The following ANXA4 variants were observed in gnomAD, a reference collection of about 807,000 sequenced individuals.
The protein encoded by ANXA4 is annexin A4.
In ANXA4, 39 loss-of-function variants were observed where a neutral mutation model predicts 49.8. The ratio of observed to expected loss-of-function variants is 0.78; its 90% CI spans 0.61 to 1.02. The LOEUF is 1.02. Ranked by LOEUF, ANXA4 falls within the 50% of genes least tolerant of loss-of-function variation. The pLI is 0.00. For missense variants in ANXA4, 360 were observed against 410.1 expected (o/e 0.88, Z 1.05); for synonymous variants, 134 against 152.5 (o/e 0.88, Z 0.89).
intron 1 of ANXA4, among the ~76,000 whole-genome samples, chr2:69,753,322 T>A (rs1176321534): frequency 6.6e-6 from 1 of 152,178 alleles, no homozygotes; most frequent in Non-Finnish European, 1.5e-5. Context: ...GGCTGATTCT[T>A]ATGAGGAGAA....
At chr2:69,689,427 A>G (rs1291633263) in intron 2 of ANXA4, among the ~76,000 whole-genome samples, 2 of 151,986 alleles carry the variant, frequency 1.3e-5, no homozygotes, top group African/African-American at 4.8e-5. Flanking sequence ...TGTTTTTTCA[A>G]CCTCGTCAAT....
intron 1 of ANXA4, among the ~76,000 whole-genome samples, chr2:69,648,652 C>T (rs527516102): frequency 3.3e-5 from 5 of 151,738 alleles, no homozygotes; most frequent in Non-Finnish European, 7.4e-5. Flanking sequence ...GGTGAAACCC[C>T]GTCTCTATTA....
chr2:69,688,690 T>C (rs1227251636), intron 2 of ANXA4, among the ~76,000 whole-genome samples: 1 of 152,256 alleles, frequency 6.6e-6, no homozygotes, highest in Non-Finnish European at 1.5e-5. Flanking sequence ...TTAAGCATTA[T>C]GATGAACTAA....
intron 2 of ANXA4, among the ~76,000 whole-genome samples, chr2:69,704,841 A>C (rs1238016164): frequency 6.6e-6 from 1 of 152,074 alleles, no homozygotes; most frequent in Non-Finnish European, 1.5e-5. Context: ...GATTCCTAAC[A>C]TTTCTTTTTG....
At chr2:69,819,209 A>G in intron 10 of ANXA4, 71 bp from the exon 11 acceptor site, 1 of 1,137,966 alleles carries the variant, frequency 8.8e-7, no homozygotes, top group Non-Finnish European at 1.3e-6. Context: ...CAGAGGAAAC[A>G]ACTGTCACTT....
chr2:69,785,070 G>A (rs551992522), intron 2 of ANXA4, among the ~76,000 whole-genome samples: 1 of 152,228 alleles, frequency 6.6e-6, no homozygotes, highest in African/African-American at 2.4e-5. Context: ...ATCCAATAAC[G>A]GGGCCCAAGG....
chr2:69,754,302 TG>T (rs1254457103), intron 1 of ANXA4, among the ~76,000 whole-genome samples: 6 of 152,236 alleles, frequency 3.9e-5, no homozygotes, highest in Admixed American at 1.3e-4. Context: ...ATGCCCATGG[TG>T]TGGTTTGGGG....
intron 2 of ANXA4, among the ~76,000 whole-genome samples, chr2:69,703,579 C>T (rs1214652640): frequency 6.6e-6 from 1 of 152,164 alleles, no homozygotes; most frequent in Non-Finnish European, 1.5e-5. Flanking sequence ...TTACATCATA[C>T]TCTTTCTGGA....
chr2:69,647,749 G>T (rs575236768), intron 1 of ANXA4, among the ~76,000 whole-genome samples: 14 of 152,106 alleles, frequency 9.2e-5, no homozygotes, highest in African/African-American at 2.9e-4. Flanking sequence ...TAGAGATGGG[G>T]TCTTGCTTTG....
intron 1 of ANXA4, among the ~76,000 whole-genome samples, chr2:69,776,649 G>T (rs1343030348): frequency 1.3e-5 from 2 of 152,146 alleles, no homozygotes; most frequent in Admixed American, 6.5e-5. Flanking sequence ...TAAGGCAGGG[G>T]TGTCCAATCT....
At chr2:69,644,165 T>TTCGCGCCCCCCCCCCCCCCCCC (rs1553424953), upstream of ANXA4, among the ~76,000 whole-genome samples, 6 of 21,116 alleles carry the variant, frequency 2.8e-4, 2 homozygotes, top group African/African-American at 8.5e-4. Context: ...ACAACTAAGT[T>TTCGCGCCCCCCCCCCCCCCCCC]CCCCCCCCCC....
intron 2 of ANXA4, among the ~76,000 whole-genome samples, chr2:69,786,198 C>A (rs1454112358): frequency 2.6e-5 from 4 of 152,200 alleles, no homozygotes; most frequent in African/African-American, 9.7e-5. Flanking sequence ...GTAAATGATA[C>A]CCAGCTGCTC....
At chr2:69,813,453 G>A (rs1032917651) in intron 8 of ANXA4, among the ~76,000 whole-genome samples, 17 of 152,254 alleles carry the variant, frequency 1.1e-4, no homozygotes, top group African/African-American at 3.6e-4. Context: ...TTTTCACCAT[G>A]TTGGCCAGGC....
chr2:69,793,059 C>G (rs1573267173), intron 3 of ANXA4, among the ~76,000 whole-genome samples: 1 of 151,352 alleles, frequency 6.6e-6, no homozygotes, highest in Admixed American at 6.6e-5. Context: ...CGAGACCATC[C>G]TGGCCAACAT....
intron 3 of ANXA4, among the ~76,000 whole-genome samples, chr2:69,734,885 C>A (rs1670203529): frequency 6.6e-6 from 1 of 152,174 alleles, no homozygotes. Flanking sequence ...GGGTATTCAG[C>A]AACATCTCAA....
rs1197614953 is a variant in ANXA4 at position 69,792,615 on chromosome 2, T to C, written c.97+4474T>C. Reference sequence around the variant, plus strand: ...TTTTTGCAAGATTTTTACAGTTTTTTTTTACAATTTGCTTAAACCTTCTAC... The same window carrying C: ...TTTTTGCAAGATTTTTACAGTTTTTCTTTACAATTTGCTTAAACCTTCTAC... On this transcript the variant is annotated intron_variant, in intron 3 of 12. Transcript: ENST00000394295. 3.3e-5 allele frequency among the ~76,000 whole-genome samples: 5 copies of C among 152,222 alleles called. 1 individual carries two copies. In the East Asian group the frequency reaches 9.6e-4, roughly 29 times the overall value.
intron 2 of ANXA4, among the ~76,000 whole-genome samples, chr2:69,667,423 C>T (rs545104251): frequency 2.6e-4 from 39 of 149,568 alleles, no homozygotes; most frequent in Non-Finnish European, 4.0e-4. Context: ...GTGCCACACT[C>T]AAACCTTGTT....
intron 2 of ANXA4, chr2:69,673,968 G>T (rs1438820008): frequency 1.3e-5 from 2 of 152,440 alleles, no homozygotes; most frequent in African/African-American, 4.8e-5. Flanking sequence ...AAGGGGATAG[G>T]GAGAGTGGGT....
At chr2:69,701,198 A>G (rs1678319948) in intron 2 of ANXA4, among the ~76,000 whole-genome samples, 1 of 152,010 alleles carries the variant, frequency 6.6e-6, no homozygotes, top group Non-Finnish European at 1.5e-5. Context: ...AACTGTGGCA[A>G]AAGACACCTA....
Sources: allele counts gnomAD v4.1 joint callset (sites outside exome capture counted in the v4.1 genomes callset), GRCh38; gene constraint gnomAD v4.1.1; transcripts MANE v1.5; gene names NCBI Gene and HGNC (gene_info 2026-07-23, HGNC 2026-07-21).